The following HECW2 variants were observed in gnomAD, a reference collection of about 807,000 sequenced individuals.
HECW2 encodes HECT, C2 and WW domain containing E3 ubiquitin protein ligase 2.
In HECW2, 61 loss-of-function variants were observed where a neutral mutation model predicts 175.2. That is an observed-to-expected ratio of 0.35 (90% CI 0.28 to 0.43). The LOEUF is 0.43. Ranked by LOEUF, HECW2 falls within the 20% of genes least tolerant of loss-of-function variation. HECW2 has a pLI of 1.00. For missense variants in HECW2, 1,524 were observed against 2,000.5 expected (o/e 0.76, Z 4.54); for synonymous variants, 671 against 731.0 (o/e 0.92, Z 1.32).
chr2:196,440,503 A>C (rs1696006738), intron 1 of HECW2, among the ~76,000 whole-genome samples: 1 of 152,112 alleles, frequency 6.6e-6, no homozygotes, highest in Non-Finnish European at 1.5e-5. Context: ...AAATCAAAGC[A>C]CTCTAAATTT....
At chr2:196,231,376 T>C (rs1688050728) in intron 21 of HECW2, among the ~76,000 whole-genome samples, 1 of 152,188 alleles carries the variant, frequency 6.6e-6, no homozygotes, top group Non-Finnish European at 1.5e-5. Flanking sequence ...GCTTGTTACT[T>C]CTTACAGCCT....
intron 1 of HECW2, among the ~76,000 whole-genome samples, chr2:196,442,825 T>G: frequency 6.6e-6 from 1 of 152,298 alleles, no homozygotes; most frequent in East Asian, 1.9e-4. Context: ...ACAAATAAGA[T>G]ATATAATAAT....
At chr2:196,528,529 A>C (rs1688744069) in intron 1 of HECW2, among the ~76,000 whole-genome samples, 1 of 152,232 alleles carries the variant, frequency 6.6e-6, no homozygotes, top group South Asian at 2.1e-4. Context: ...AAACACCAGG[A>C]CTAGAACCTT....
intron 2 of HECW2, among the ~76,000 whole-genome samples, chr2:196,406,678 G>A (rs993219404): frequency 2.0e-5 from 3 of 152,110 alleles, no homozygotes; most frequent in African/African-American, 7.2e-5. Context: ...ATTTCCACCT[G>A]GCCCGCCATG....
chr2:196,591,221 G>A (rs1432754383), intron 1 of HECW2, among the ~76,000 whole-genome samples: 1 of 152,188 alleles, frequency 6.6e-6, no homozygotes, highest in Non-Finnish European at 1.5e-5. Context: ...CTTAGACTGG[G>A]AAATCATCAT....
At chr2:196,506,529 G>C (rs1032989820) in intron 1 of HECW2, among the ~76,000 whole-genome samples, 2 of 152,060 alleles carry the variant, frequency 1.3e-5, no homozygotes, top group East Asian at 3.9e-4. Context: ...TCTAGCATGA[G>C]CATGCACCCA....
chr2:196,266,156 C>T (rs1689504378), intron 17 of HECW2, among the ~76,000 whole-genome samples: 1 of 137,862 alleles, frequency 7.3e-6, no homozygotes, highest in Non-Finnish European at 1.5e-5. Flanking sequence ...CATAGCAAGA[C>T]TCCATCTCTA....
chr2:196,259,880 T>C (rs1358644612), intron 17 of HECW2: 1 of 152,222 alleles, frequency 6.6e-6, no homozygotes, highest in African/African-American at 2.4e-5. Flanking sequence ...CACCATGCTT[T>C]GATCTTGAAG....
At chr2:196,232,892 C>T (rs150028002) in intron 21 of HECW2, among the ~76,000 whole-genome samples, 1 of 152,174 alleles carries the variant, frequency 6.6e-6, no homozygotes, top group Non-Finnish European at 1.5e-5. Context: ...AAGTTTTTAT[C>T]TGCTGACTTT....
At chr2:196,201,642 C>T (rs1279403955) in intron 28 of HECW2, among the ~76,000 whole-genome samples, 1 of 152,112 alleles carries the variant, frequency 6.6e-6, no homozygotes, top group Non-Finnish European at 1.5e-5. Context: ...CATTTAAAAG[C>T]TATATTACAT....
Position 196,254,551 on chromosome 2 carries a change from T to C in HECW2, c.3420-522A>G, listed in dbSNP as rs199710479. ...GCTCCCTTGTTTACCCTGGCTACTA[T>C]TTTTCACATGTGAGGATTTGGATCT... On this transcript the variant is annotated intron_variant, in intron 18 of 28. Coordinates refer to ENST00000644978, the MANE Select transcript of HECW2 (RefSeq NM_001348768.2). Among the ~76,000 whole-genome samples the C allele has an allele frequency of 3.9e-5, 6 of 152,224 alleles. No individual in the cohort carries two copies. The East Asian group carries it at 1.2e-3, about 29-fold the overall frequency.
chr2:196,335,268 T>C (rs1692510821), intron 3 of HECW2, among the ~76,000 whole-genome samples: 1 of 152,236 alleles, frequency 6.6e-6, no homozygotes, highest in African/African-American at 2.4e-5. Flanking sequence ...ATGCCAATTA[T>C]GGTTTTTGGA....
intron 13 of HECW2, among the ~76,000 whole-genome samples, chr2:196,295,607 C>T (rs1296401487): frequency 2.0e-5 from 3 of 152,276 alleles, no homozygotes; most frequent in South Asian, 2.1e-4. Flanking sequence ...ACCTCTTTAT[C>T]GCCTTCACTG....
In HECW2 at chr2:196,368,372, G is replaced by A. The variant is rs374222541; in HGVS notation, c.293-24608C>T. ...TAGATATATTGGAAGTCCATTGTAC[G>A]TTGTTTCTTTTCTCCTACTGCTTTT... is the stretch of plus-strand genomic sequence containing the variant. On this transcript the variant is annotated intron_variant, in intron 2 of 28. Transcript: ENST00000644978. 4.3e-4 allele frequency among the ~76,000 whole-genome samples: 66 copies of A among 152,220 alleles called. No individual in the cohort carries two copies. The South Asian group carries it at 0.011, about 25-fold the overall frequency.
At chr2:196,514,382 G>C (rs1406651919) in intron 1 of HECW2, among the ~76,000 whole-genome samples, 1 of 152,190 alleles carries the variant, frequency 6.6e-6, no homozygotes, top group Non-Finnish European at 1.5e-5. Flanking sequence ...GGGCGGCTCG[G>C]CACAGGCCTG....
At chr2:196,583,934 T>C (rs1690883802) in intron 1 of HECW2, among the ~76,000 whole-genome samples, 1 of 152,214 alleles carries the variant, frequency 6.6e-6, no homozygotes, top group African/African-American at 2.4e-5. Flanking sequence ...ATTAAGATTT[T>C]AATTGCTACA....
intron 1 of HECW2, chr2:196,586,854 T>C (rs1690999934): frequency 6.6e-6 from 1 of 152,142 alleles, no homozygotes; most frequent in East Asian, 1.9e-4. Flanking sequence ...TGATTCATTC[T>C]CTGCATGACA....
At chr2:196,213,641 A>G (rs1368215653) in intron 28 of HECW2, among the ~76,000 whole-genome samples, 2 of 152,232 alleles carry the variant, frequency 1.3e-5, no homozygotes, top group Admixed American at 6.5e-5. Flanking sequence ...AAAACTAGGA[A>G]TGTAGAAGCA....
At chr2:196,269,503 A>AAAAAAAAAAC (rs1689646719) in intron 17 of HECW2, 1 of 149,938 alleles carries the variant, frequency 6.7e-6, no homozygotes, top group Non-Finnish European at 1.5e-5. Flanking sequence ...CTCCAAAAAA[A>AAAAAAAAAAC]AAAAAAAAAA....
Sources: allele counts gnomAD v4.1 joint callset (sites outside exome capture counted in the v4.1 genomes callset), GRCh38; gene constraint gnomAD v4.1.1; transcripts MANE v1.5; gene names NCBI Gene and HGNC (gene_info 2026-07-23, HGNC 2026-07-21).